The following GBP6 variants were observed in gnomAD, a reference collection of about 807,000 sequenced individuals.
GBP6 encodes guanylate binding protein family member 6.
A neutral mutation model predicts 61.5 loss-of-function variants in GBP6; 54 were observed. The observed-to-expected ratio is 0.88, with a 90% CI of 0.71 to 1.10. GBP6 has a LOEUF of 1.10. Ranked by LOEUF, GBP6 falls within the 50% of genes least tolerant of loss-of-function variation. The pLI, the probability that GBP6 is intolerant of heterozygous loss-of-function variation, is 0.00. For synonymous variants in GBP6, 255 were observed against 273.7 expected, an observed-to-expected ratio of 0.93 and a Z score of 0.67; for missense variants, 748 against 752.8, an observed-to-expected ratio of 0.99 and a Z score of 0.07.
At chr1:89,384,010 A>G in intron 9 of GBP6, 83 bp from the exon 10 acceptor site, 1 of 1,341,738 alleles carries the variant, frequency 7.5e-7, no homozygotes, top group Non-Finnish European at 1.0e-6. Context: ...TGCCTTTCAG[A>G]TTTGGTTTAG....
chr1:89,375,603 A>AT (rs34138422), intron 3 of GBP6, among the ~76,000 whole-genome samples: 85,564 of 151,074 alleles, frequency 0.57, 24,562 homozygotes, highest in Non-Finnish European at 0.62. Context: ...AGGTATAAGG[A>AT]TTTTTTTTTG....
intron 2 of GBP6, among the ~76,000 whole-genome samples, 163 bp downstream of exon 2, chr1:89,368,904 A>G (rs533394891): frequency 1.3e-5 from 2 of 152,222 alleles, no homozygotes; most frequent in South Asian, 4.1e-4. Flanking sequence ...ACGATAATCC[A>G]TTCTCATATT....
chr1:89,382,960 G>T (rs1653024530), intron 8 of GBP6, 84 bp downstream of exon 8: 1 of 824,994 alleles, frequency 1.2e-6, no homozygotes, highest in African/African-American at 1.7e-5. Context: ...TAAGAGAGCA[G>T]AGGGATAGCA....
intron 3 of GBP6, among the ~76,000 whole-genome samples, chr1:89,372,186 C>T (rs1447866187): frequency 6.6e-6 from 1 of 152,230 alleles, no homozygotes; most frequent in African/African-American, 2.4e-5. Context: ...AATGGAAGAG[C>T]ATTCCATGCT....
chr1:89,387,707 C>T lies in GBP6; in HGVS notation c.*2238C>T, dbSNP rs1653178829. 6.6e-6 allele frequency among the ~76,000 whole-genome samples: 1 copy of T among 152,156 alleles called. No individual in the cohort carries two copies. Among genetic ancestry groups the T allele is most frequent in the Non-Finnish European group, 1.5e-5 (1 of 68,026 alleles). ...CAGCAACTTGGGAGGCCGAAGCAGG[C>T]AGATCACTTGAGGTCAGAAGTTTGA... On this transcript the variant is annotated 3_prime_UTR_variant, in exon 11 of 11. Coordinates refer to ENST00000370456, the MANE Select transcript of GBP6 (RefSeq NM_198460.3).
rs201707768 is a variant in GBP6 at position 89,382,896 on chromosome 1, T to G, written c.1365+20T>G. 12 of 1,557,880 alleles carry G rather than the reference T, an allele frequency of 7.7e-6. No homozygotes were observed. The African/African-American group carries it at 1.5e-4, about 19-fold the overall frequency. ...GTAAAGGTAAGGAATAAGGGGAGCA[T>G]GGGGAAGTTTATAGGATAGAGTGAA... On this transcript the variant is annotated intron_variant, in intron 8 of 10. Coordinates refer to ENST00000370456, the MANE Select transcript of GBP6 (RefSeq NM_198460.3).
Position 89,385,526 on chromosome 1 carries a change from A to G in GBP6, c.*57A>G. 7.0e-7 allele frequency: 1 copy of G among 1,428,558 alleles called. No homozygotes were observed. The allele number at this position is 1,428,558 out of a possible 1,614,324, so 88.5% of individuals were successfully genotyped here. Reference sequence around the variant, plus strand: ...ACTATTTTTGATCTGTATGTTTTTCATTTTCATTCAGCAAGTTTTTTTTTT... The same window carrying G: ...ACTATTTTTGATCTGTATGTTTTTCGTTTTCATTCAGCAAGTTTTTTTTTT... On this transcript the variant is annotated 3_prime_UTR_variant, in exon 11 of 11. Coordinates refer to ENST00000370456, the MANE Select transcript of GBP6 (RefSeq NM_198460.3).
chr1:89,384,254 G>C lies in GBP6; in HGVS notation c.1630G>C (p.Glu544Gln). The change falls in exon 10 of 11, where the codon GAG (glutamate) becomes CAG (glutamine). Residue 544 changes from glutamate (E) to glutamine (Q), a missense_variant. Physicochemically the swap from Glu to Gln is conservative, Grantham distance 29. Coordinates refer to ENST00000370456, the MANE Select transcript of GBP6 (RefSeq NM_198460.3). ...GATGGAGAGAGAACACCTACTGAGA[G>C]AGCAGATTATGATGTTGGAGCACAC... ...LQMEREHLLR[E>Q]QIMMLEHTQK... The C allele has an allele frequency of 6.2e-7, 1 of 1,613,628 alleles. No homozygotes were observed. Among genetic ancestry groups the C allele is most frequent in the Non-Finnish European group, 8.5e-7 (1 of 1,179,846 alleles).
At position 89,369,543 on chromosome 1, in the gene GBP6, C is replaced by T. The variant is rs763118819; in HGVS notation, c.191-3C>T. 1.7e-5 allele frequency: 28 copies of T among 1,612,748 alleles called. No individual in the cohort carries two copies. Among genetic ancestry groups the T allele is most frequent in the Non-Finnish European group, 2.2e-5 (26 of 1,179,314 alleles). On this transcript the variant is annotated splice_region_variant and splice_polypyrimidine_tract_variant and intron_variant, in intron 2 of 10. Coordinates refer to ENST00000370456, the MANE Select transcript of GBP6 (RefSeq NM_198460.3). ...GTGCTTAGCTTCCTCCTCTTCCCTG[C>T]AGGCTTCCCTCTGGGCTCCACGGTG...
intron 2 of GBP6, among the ~76,000 whole-genome samples, chr1:89,369,293 T>C: frequency 6.6e-6 from 1 of 152,234 alleles, no homozygotes; most frequent in Non-Finnish European, 1.5e-5. Context: ...CTGTTATCAG[T>C]GACCTCCTCT....
rs776431087 is a variant in GBP6 at position 89,380,438 on chromosome 1, T to A, written c.678T>A (p.Arg226=). 1.2e-6 allele frequency: 2 copies of A among 1,614,074 alleles called. No homozygotes were observed. The highest frequency in any genetic ancestry group is 4.5e-5 in the East Asian group (2 of 44,878). Residue 226 remains arginine, a synonymous_variant, in exon 6 of 11, where the codon CGT becomes CGA. Coordinates refer to ENST00000370456, the MANE Select transcript of GBP6 (RefSeq NM_198460.3). ...ATTTTCCCAGGGAGTGCATCAGGCG[T>A]TTCTTTCCAAAACGGAAGTGTTTCG... ...TSNFPRECIR[R]FFPKRKCFVF...
Position 89,385,309 on chromosome 1 carries a change from T to C in GBP6, c.1742T>C (p.Met581Thr), listed in dbSNP as rs745899042. The part of the protein sequence containing the change: ...MNAEISQFKR[M>T]IDTTKNDDTP... ...GCAGAGATAAGTCAATTTAAACGTA[T>C]GATTGATACTACAAAAAATGATGAT... The change falls in exon 11 of 11, where the codon ATG becomes ACG. Residue 581 changes from methionine to threonine, a missense_variant. Physicochemically the swap from Met to Thr is moderately conservative, Grantham distance 81. Coordinates refer to ENST00000370456, the MANE Select transcript of GBP6 (RefSeq NM_198460.3). 6.2e-7 allele frequency: 1 copy of C among 1,614,084 alleles called. No individual in the cohort carries two copies. The highest frequency in any genetic ancestry group is 1.1e-5 in the South Asian group (1 of 91,084).
intron 3 of GBP6, among the ~76,000 whole-genome samples, chr1:89,373,305 T>C (rs1289476822): frequency 2.6e-5 from 4 of 152,286 alleles, no homozygotes; most frequent in East Asian, 3.9e-4. Context: ...CCCAGCCATC[T>C]CATTACTGGG....
At chr1:89,374,790 C>T (rs957680647) in intron 3 of GBP6, among the ~76,000 whole-genome samples, 1 of 152,076 alleles carries the variant, frequency 6.6e-6, no homozygotes, top group Non-Finnish European at 1.5e-5. Flanking sequence ...TTCAGCGGTA[C>T]ATGTGCAAGA....
At chr1:89,368,891 C>T in intron 2 of GBP6, 150 bp downstream of exon 2, 1 of 636,744 alleles carries the variant, frequency 1.6e-6, no homozygotes, top group Non-Finnish European at 2.6e-6. Flanking sequence ...AAACCACTAC[C>T]TTACGATAAT....
chr1:89,375,103 G>A (rs114832796), intron 3 of GBP6, among the ~76,000 whole-genome samples: 4 of 152,102 alleles, frequency 2.6e-5, no homozygotes, highest in Admixed American at 1.3e-4. Context: ...ACATGATTTT[G>A]TTCTTCTTTA....
chr1:89,383,787 G>T, intron 9 of GBP6, 33 bp downstream of exon 9: 2 of 1,459,968 alleles, frequency 1.4e-6, no homozygotes, highest in South Asian at 1.2e-5. Context: ...CACAGGAGGG[G>T]TACGTTTATA....
At chr1:89,373,067 C>G (rs2100662358) in intron 3 of GBP6, among the ~76,000 whole-genome samples, 1 of 152,288 alleles carries the variant, frequency 6.6e-6, no homozygotes, top group African/African-American at 2.4e-5. Flanking sequence ...TGAAAAAACG[C>G]TCATCATCAC....
intron 1 of GBP6, among the ~76,000 whole-genome samples, chr1:89,365,474 CA>C (rs559408621): frequency 1.1e-3 from 174 of 152,360 alleles, no homozygotes; most frequent in African/African-American, 4.0e-3. Context: ...TTACTCCCCT[CA>C]GTGAAGAATC....
Sources: gnomAD v4.1 joint callset for allele counts (sites outside exome capture counted in the v4.1 genomes callset) on GRCh38, gnomAD v4.1.1 for gene constraint, MANE v1.5 for transcripts, NCBI Gene and HGNC (gene_info 2026-07-23, HGNC 2026-07-21) for gene names.